FREM3: variants seen among roughly 807,000 people sequenced by gnomAD.
The protein encoded by FREM3 is FRAS1 related extracellular matrix 3.
In FREM3, 105 loss-of-function variants were observed where a neutral mutation model predicts 129.1. That is an observed-to-expected ratio of 0.81 (90% CI 0.69 to 0.96). FREM3 has a LOEUF of 0.96. Among genes scored for constraint, FREM3 ranks in the 40% least tolerant of loss-of-function variants. The pLI, the probability that FREM3 is intolerant of heterozygous loss-of-function variation, is 0.00. For synonymous variants in FREM3, 1,014 were observed against 1,044.9 expected, an observed-to-expected ratio of 0.97 and a Z score of 0.57; for missense variants, 2,593 against 2,666.3, an observed-to-expected ratio of 0.97 and a Z score of 0.61.
In FREM3 at chr4:143,697,526, A is replaced by AC. The variant is rs770296808; in HGVS notation, c.3149_3150insG (p.Asn1050LysfsTer2). ...GTACCTGTACTTTCTCTATTATGCT[A>AC]TTCCCCACTACCCATTGGTAAGAAT... On this transcript the variant is annotated frameshift_variant, in exon 1 of 8. Coordinates refer to ENST00000329798, the MANE Select transcript of FREM3 (RefSeq NM_001168235.2). LOFTEE classifies it high-confidence loss of function. 15 of 1,537,176 alleles carry AC rather than the reference A, an allele frequency of 9.8e-6. No homozygotes were observed. Among genetic ancestry groups the AC allele is most frequent in the Non-Finnish European group, 1.3e-5 (15 of 1,146,930 alleles).
chr4:143,619,564 G>A (rs1000762029), intron 5 of FREM3, among the ~76,000 whole-genome samples: 13 of 152,014 alleles, frequency 8.6e-5, no homozygotes, highest in Admixed American at 5.9e-4. Flanking sequence ...AGTTCAATTC[G>A]GTTATTTAAA....
intron 2 of FREM3, among the ~76,000 whole-genome samples, chr4:143,692,831 A>G (rs1578872600): frequency 6.6e-6 from 1 of 152,152 alleles, no homozygotes; most frequent in African/African-American, 2.4e-5. Flanking sequence ...TCACTTGCCT[A>G]TATGATGTCA....
intron 2 of FREM3, among the ~76,000 whole-genome samples, chr4:143,633,816 C>T (rs1739183540): frequency 4.6e-5 from 7 of 152,074 alleles, no homozygotes; most frequent in Admixed American, 2.0e-4. Flanking sequence ...AGGCACAATC[C>T]TAAGCGTCGC....
At chr4:143,578,406 G>A (rs1049413658) in intron 7 of FREM3, among the ~76,000 whole-genome samples, 1 of 152,018 alleles carries the variant, frequency 6.6e-6, no homozygotes, top group African/African-American at 2.4e-5. Flanking sequence ...GTCATCAAAT[G>A]TAATGATCGT....
intron 2 of FREM3, among the ~76,000 whole-genome samples, chr4:143,664,150 G>T (rs947095929): frequency 2.6e-5 from 4 of 152,138 alleles, no homozygotes; most frequent in African/African-American, 9.7e-5. Context: ...CTTTGGAGGA[G>T]GAGAGGCGCT....
intron 2 of FREM3, among the ~76,000 whole-genome samples, chr4:143,679,409 A>G (rs906892108): frequency 6.6e-6 from 1 of 152,222 alleles, no homozygotes; most frequent in Non-Finnish European, 1.5e-5. Flanking sequence ...TGCCTACAGC[A>G]ACAGTTGAAC....
intron 2 of FREM3, among the ~76,000 whole-genome samples, chr4:143,641,206 C>T (rs957380342): frequency 5.3e-5 from 8 of 152,108 alleles, no homozygotes; most frequent in Admixed American, 3.9e-4. Context: ...TATCCCTACA[C>T]AGCTTATGTA....
Position 143,681,946 on chromosome 4 carries a change from C to T in FREM3, c.5275+11167G>A, listed in dbSNP as rs200509838. Among the ~76,000 whole-genome samples, 13 of 152,274 alleles carry T rather than the reference C, an allele frequency of 8.5e-5. No individual in the cohort carries two copies. The East Asian group carries it at 2.1e-3, about 25-fold the overall frequency. On this transcript the variant is annotated intron_variant, in intron 2 of 7. Coordinates refer to ENST00000329798, the MANE Select transcript of FREM3 (RefSeq NM_001168235.2). ...AAAACAGTGGATTGACTTACTTCCT[C>T]TCCTTCTTTTGTCTACTTGTTGGAT...
chr4:143,700,134 A>G lies in FREM3; in HGVS notation c.542T>C (p.Leu181Pro). 1 of 1,537,056 alleles carries G rather than the reference A, an allele frequency of 6.5e-7. No homozygotes were observed. The highest frequency in any genetic ancestry group is 8.7e-7 in the Non-Finnish European group (1 of 1,146,902). Reference protein sequence around the residue: ...TRNRPLVVEKLRSWSRAIDRR... With the variant: ...TRNRPLVVEKPRSWSRAIDRR... ...GTCTATGGCGCGGCTCCAGCTTCGC[A>G]GCTTCTCCACTACCAAAGGCCTGTT... The change falls in exon 1 of 8, where the codon CTG becomes CCG. Residue 181 changes from leucine (L) to proline (P), a missense_variant. By Grantham distance (98) the Leu-to-Pro change is moderately conservative. Around this residue, in one of 2 missense-constraint regions of FREM3, gnomAD observed 2,276 missense variants for 2,267.2 expected, o/e 1.00. Coordinates refer to ENST00000329798, the MANE Select transcript of FREM3 (RefSeq NM_001168235.2).
At chr4:143,664,047 G>A (rs906963716) in intron 2 of FREM3, among the ~76,000 whole-genome samples, 19 of 152,008 alleles carry the variant, frequency 1.2e-4, no homozygotes, top group East Asian at 3.9e-4. Context: ...CCTGTAGTTC[G>A]GAGTAGTTTG....
chr4:143,693,069 T>C, intron 2 of FREM3, 44 bp downstream of exon 2: 1 of 1,047,746 alleles, frequency 9.5e-7, no homozygotes, highest in Non-Finnish European at 1.3e-6. Flanking sequence ...TTATGTTGAT[T>C]TTAGTTAACC....
At chr4:143,688,178 G>C (rs1740401890) in intron 2 of FREM3, among the ~76,000 whole-genome samples, 2 of 152,096 alleles carry the variant, frequency 1.3e-5, no homozygotes, top group African/African-American at 4.8e-5. Context: ...ACGGATACAA[G>C]AGTAAAGTAC....
At chr4:143,583,499 C>T (rs1332600175) in intron 7 of FREM3, among the ~76,000 whole-genome samples, 1 of 152,028 alleles carries the variant, frequency 6.6e-6, no homozygotes, top group Non-Finnish European at 1.5e-5. Context: ...CCCTAAGACA[C>T]ATAGTCATCA....
rs552226444 is a variant in FREM3, at chr4:143,695,902, G to A, written c.4774C>T (p.Pro1592Ser). Reference sequence around the variant, plus strand: ...TCTTGCTTGGTGAAAGTGGTCACGGGACGGCTACCATTGTACAAAATCTTG... The same window carrying A: ...TCTTGCTTGGTGAAAGTGGTCACGGAACGGCTACCATTGTACAAAATCTTG... ...HGKILYNGSRPVTTFTKQDLN... is the reference protein window; with the variant it reads ...HGKILYNGSRSVTTFTKQDLN... The change falls in exon 1 of 8, where the codon CCC becomes TCC. Residue 1592 changes from proline to serine, a missense_variant. Transcript: ENST00000329798. 1.3e-6 allele frequency: 2 copies of A among 1,537,686 alleles called. No individual in the cohort carries two copies. Among genetic ancestry groups the A allele is most frequent in the Admixed American group, 2.0e-5 (1 of 51,000 alleles).
At chr4:143,612,361 A>G (rs1738773650) in intron 5 of FREM3, among the ~76,000 whole-genome samples, 1 of 152,230 alleles carries the variant, frequency 6.6e-6, no homozygotes, top group Admixed American at 6.5e-5. Flanking sequence ...TTCATTTAGC[A>G]CAATGCTTTT....
rs763649909 is a variant in FREM3, at chr4:143,698,727, A to G, written c.1949T>C (p.Ile650Thr). The change falls in exon 1 of 8, where the codon ATA becomes ACA. Residue 650 changes from isoleucine to threonine, a missense_variant. By Grantham distance (89) the Ile-to-Thr change is moderately conservative (BLOSUM62 -1). This residue lies in a region of FREM3 where 2,276 missense variants were observed against 2,267.2 expected (regional missense o/e 1.00). Coordinates refer to ENST00000329798, the MANE Select transcript of FREM3 (RefSeq NM_001168235.2). ...GCGGTAGAAGAGTCTCCCTTCCATT[A>G]TGTCTCTCTGTAGCCACTCAGTCAC... is the stretch of plus-strand genomic sequence containing the variant. ...KVVTEWLQRD[I>T]MEGRLFYRHL... The G allele has an allele frequency of 2.0e-6, 3 of 1,537,106 alleles. No homozygotes were observed. The highest frequency in any genetic ancestry group is 1.7e-4 in the Middle Eastern group (1 of 6,012).
At chr4:143,683,549 C>G (rs1001394353) in intron 2 of FREM3, among the ~76,000 whole-genome samples, 1 of 152,192 alleles carries the variant, frequency 6.6e-6, no homozygotes, top group Non-Finnish European at 1.5e-5. Context: ...GCAGGCCATT[C>G]CTGCCTGGCA....
rs1740584793 is a variant in FREM3, at chr4:143,697,023, C to T, written c.3653G>A (p.Gly1218Glu). ...SLVIDTQLLN[G>E]ADADLPPNEL... Reference sequence around the variant, plus strand: ...ATTTGGTGGCAGGTCAGCATCTGCTCCATTAAGCAGCTGGGTGTCTATGAC... The same window carrying T: ...ATTTGGTGGCAGGTCAGCATCTGCTTCATTAAGCAGCTGGGTGTCTATGAC... The change falls in exon 1 of 8, where the codon GGA becomes GAA. Residue 1218 changes from glycine to glutamate, a missense_variant. By Grantham distance (98) the Gly-to-Glu change is moderately conservative (BLOSUM62 -2). This residue lies in a region of FREM3 where 2,276 missense variants were observed against 2,267.2 expected (regional missense o/e 1.00). Coordinates refer to ENST00000329798, the MANE Select transcript of FREM3 (RefSeq NM_001168235.2). The T allele has an allele frequency of 6.5e-7, 1 of 1,537,394 alleles. No individual in the cohort carries two copies. The highest frequency in any genetic ancestry group is 8.7e-7 in the Non-Finnish European group (1 of 1,146,996).
intron 6 of FREM3, among the ~76,000 whole-genome samples, chr4:143,605,254 A>G (rs1738648690): frequency 6.6e-6 from 1 of 152,144 alleles, no homozygotes; most frequent in Non-Finnish European, 1.5e-5. Context: ...TAGAGGATTT[A>G]AAACTACCAA....
Sources: gnomAD v4.1 joint callset for allele counts (sites outside exome capture counted in the v4.1 genomes callset) on GRCh38, gnomAD v4.1.1 for gene constraint, gnomAD v4.1.1 regional missense constraint, MANE v1.5 for transcripts, NCBI Gene and HGNC (gene_info 2026-07-23, HGNC 2026-07-21) for gene names.